FGGY: variants seen among roughly 807,000 people sequenced by gnomAD.
The protein encoded by FGGY is FGGY carbohydrate kinase domain-containing protein.
A neutral mutation model predicts 71.3 loss-of-function variants in FGGY; 72 were observed. That is an observed-to-expected ratio of 1.01 (90% CI 0.84 to 1.23). The LOEUF is 1.23. Among genes scored for constraint, FGGY ranks in the 50% most tolerant of loss-of-function variants. FGGY has a pLI of 0.00. For missense variants in FGGY, 668 were observed against 682.3 expected (o/e 0.98, Z 0.23); for synonymous variants, 251 against 250.3 (o/e 1.00, Z -0.02).
At chr1:59,595,953 C>T (rs1470062884) in intron 8 of FGGY, among the ~76,000 whole-genome samples, 1 of 152,124 alleles carries the variant, frequency 6.6e-6, no homozygotes, top group Non-Finnish European at 1.5e-5. Context: ...TGGCTGTTGC[C>T]TGCAGCTGAA....
intron 5 of FGGY, among the ~76,000 whole-genome samples, chr1:59,456,745 G>A (rs568007848): frequency 6.6e-6 from 1 of 152,334 alleles, no homozygotes; most frequent in East Asian, 1.9e-4. Flanking sequence ...ACTGTGCCCA[G>A]CCAGGGCTGA....
chr1:59,546,950 CTTTTTTTTTTT>C (rs761977942), intron 7 of FGGY, among the ~76,000 whole-genome samples: 1 of 115,208 alleles, frequency 8.7e-6, no homozygotes, highest in Admixed American at 9.1e-5. Context: ...ACCTTTTTGA[CTTTTTTTTTTT>C]TTTTTTTTTG....
intron 5 of FGGY, among the ~76,000 whole-genome samples, chr1:59,438,185 C>A (rs7541904): frequency 0.52 from 79,206 of 152,000 alleles, 20,914 homozygotes; most frequent in Middle Eastern, 0.58. Context: ...GATGTGAGAA[C>A]ATGGAGAGTT....
At chr1:59,311,176 G>T (rs943603025) in intron 1 of FGGY, among the ~76,000 whole-genome samples, 6 of 152,048 alleles carry the variant, frequency 3.9e-5, no homozygotes, top group African/African-American at 1.4e-4. Context: ...CTTGGTTAGT[G>T]TGGAAAGCCA....
intron 6 of FGGY, among the ~76,000 whole-genome samples, chr1:59,483,002 C>A (rs937945614): frequency 1.3e-5 from 2 of 152,078 alleles, no homozygotes; most frequent in Non-Finnish European, 2.9e-5. Context: ...GTTTCTAAAT[C>A]AGAAATTCTC....
chr1:59,412,870 C>T (rs1194528195), intron 5 of FGGY, among the ~76,000 whole-genome samples: 1 of 152,144 alleles, frequency 6.6e-6, no homozygotes, highest in African/African-American at 2.4e-5. Flanking sequence ...ACCACATACA[C>T]TCTGAGGAAA....
At chr1:59,480,932 G>A (rs547444378) in intron 6 of FGGY, among the ~76,000 whole-genome samples, 1 of 152,166 alleles carries the variant, frequency 6.6e-6, no homozygotes, top group Non-Finnish European at 1.5e-5. Flanking sequence ...ATGGTCTACT[G>A]GGTATAGACA....
intron 4 of FGGY, among the ~76,000 whole-genome samples, chr1:59,364,857 G>T (rs2056297969): frequency 6.6e-6 from 1 of 152,226 alleles, no homozygotes; most frequent in Admixed American, 6.5e-5. Context: ...CTAATACAGG[G>T]TGATGAGGTG....
chr1:59,356,499 T>A (rs1161653563), intron 4 of FGGY, among the ~76,000 whole-genome samples: 1 of 152,220 alleles, frequency 6.6e-6, no homozygotes, highest in East Asian at 1.9e-4. Context: ...ATTCTATGCT[T>A]ATCTCTACCC....
rs7552161 is a variant in FGGY, at chr1:59,370,955, G to T, written c.466-7794G>T. Reference sequence around the variant, plus strand: ...TGGTACCAGCCACTGCAAAATCATGGCAAAATGTAAAGACCATCGAGACTA... The same window carrying T: ...TGGTACCAGCCACTGCAAAATCATGTCAAAATGTAAAGACCATCGAGACTA... On this transcript the variant is annotated intron_variant, in intron 4 of 15. Transcript: ENST00000303721. Among the ~76,000 whole-genome samples, 168 of 151,592 alleles carry T rather than the reference G, an allele frequency of 1.1e-3. 1 individual carries two copies. The highest frequency in any genetic ancestry group is 3.4e-3 in the African/African-American group (141 of 41,264).
intron 1 of FGGY, chr1:59,318,750 ATTTATTT>A (rs2045895194): frequency 6.6e-6 from 1 of 152,176 alleles, no homozygotes; most frequent in South Asian, 2.1e-4. Context: ...TTCATTTCCT[ATTTATTT>A]CTTTGTTTCT....
intron 7 of FGGY, among the ~76,000 whole-genome samples, chr1:59,550,766 T>G (rs139051201): frequency 2.8e-4 from 43 of 152,274 alleles, no homozygotes; most frequent in African/African-American, 9.1e-4. Context: ...CCAAGTATGT[T>G]TTCATTATGT....
rs139716605 is a variant in FGGY, at chr1:59,343,624, T to G, written c.314-2623T>G. ...CAGAACTGTGGCACATTCTTCTTGA[T>G]ATCCTAGCATCCAACACTGTGCTTG... On this transcript the variant is annotated intron_variant, in intron 3 of 15. Coordinates refer to ENST00000303721, the MANE Select transcript of FGGY (RefSeq NM_018291.5). 3.7e-4 allele frequency among the ~76,000 whole-genome samples: 57 copies of G among 152,312 alleles called. No homozygotes were observed. In the East Asian group the frequency reaches 0.011, roughly 29 times the overall value.
chr1:59,645,106 A>G (rs1330147602), intron 11 of FGGY, among the ~76,000 whole-genome samples: 1 of 152,216 alleles, frequency 6.6e-6, no homozygotes, highest in Non-Finnish European at 1.5e-5. Context: ...AAAGCAGTAA[A>G]GAGGGCCCAG....
chr1:59,300,501 A>C (rs1169137091), intron 1 of FGGY, among the ~76,000 whole-genome samples: 4 of 152,228 alleles, frequency 2.6e-5, no homozygotes. Flanking sequence ...ATTTGGTTAA[A>C]TAAATGTTAC....
intron 4 of FGGY, among the ~76,000 whole-genome samples, chr1:59,375,265 G>GAA (rs1289366742): frequency 0.014 from 1,421 of 99,820 alleles, 32 homozygotes; most frequent in African/African-American, 0.043. Flanking sequence ...TCTCAAAAAA[G>GAA]AAAAAAAAAA....
Position 59,515,420 on chromosome 1 carries a change from T to C in FGGY, c.799+2981T>C, listed in dbSNP as rs144688598. Among the ~76,000 whole-genome samples, 513 of 152,242 alleles carry C rather than the reference T, an allele frequency of 3.4e-3. 12 individuals are homozygous for C. The highest frequency in any genetic ancestry group is 0.026 in the Admixed American group (393 of 15,284). Reference sequence around the variant, plus strand: ...AGATGAGACTTTGGACTGTGGACTTTTGGATTAATTCTGAAATGAGTAAAG... The same window carrying C: ...AGATGAGACTTTGGACTGTGGACTTCTGGATTAATTCTGAAATGAGTAAAG... On this transcript the variant is annotated intron_variant, in intron 7 of 15. Transcript: ENST00000303721.
intron 14 of FGGY, among the ~76,000 whole-genome samples, chr1:59,722,800 T>C (rs573826236): frequency 6.6e-6 from 1 of 152,272 alleles, no homozygotes; most frequent in Non-Finnish European, 1.5e-5. Context: ...TTTTTTGTTT[T>C]GTTTTGTTTT....
chr1:59,363,822 G>A (rs945264049), intron 4 of FGGY, among the ~76,000 whole-genome samples: 1 of 152,182 alleles, frequency 6.6e-6, no homozygotes, highest in African/African-American at 2.4e-5. Flanking sequence ...TTTTCTGTGA[G>A]GTTGGACCGT....
Sources: gnomAD v4.1 joint callset for allele counts (sites outside exome capture counted in the v4.1 genomes callset) on GRCh38, gnomAD v4.1.1 for gene constraint, MANE v1.5 for transcripts, NCBI Gene and HGNC (gene_info 2026-07-23, HGNC 2026-07-21) for gene names.